LMNB1: variants seen among roughly 807,000 people sequenced by gnomAD.
LMNB1 encodes the protein lamin B1, also known as lamin-B1.
LMNB1 carries 23 observed loss-of-function variants against 67.1 expected under a neutral mutation model. The ratio of observed to expected loss-of-function variants is 0.34; its 90% CI spans 0.25 to 0.49. LMNB1 has a LOEUF of 0.49. Among genes scored for constraint, LMNB1 ranks in the 20% least tolerant of loss-of-function variants. The probability of loss-of-function intolerance (pLI) is 0.99; values close to 1 mark genes in which losing one functional copy is unlikely to be tolerated. For missense variants in LMNB1, 634 were observed against 746.5 expected, an observed-to-expected ratio of 0.85 and a Z score of 1.76; for synonymous variants, 281 against 282.9, an observed-to-expected ratio of 0.99 and a Z score of 0.07.
At chr5:126,831,735 G>T (rs1248112174) in intron 9 of LMNB1, among the ~76,000 whole-genome samples, 1 of 152,134 alleles carries the variant, frequency 6.6e-6, no homozygotes, top group Non-Finnish European at 1.5e-5. Flanking sequence ...TCTTTAAGCT[G>T]AATTCATGTT....
chr5:126,823,821 C>T (rs943454614), intron 8 of LMNB1, among the ~76,000 whole-genome samples: 5 of 152,154 alleles, frequency 3.3e-5, no homozygotes, highest in African/African-American at 4.8e-5. Flanking sequence ...ACTATCCTAA[C>T]TACAATATCC....
chr5:126,796,767 T>C (rs1172461671), intron 1 of LMNB1, among the ~76,000 whole-genome samples: 2 of 148,354 alleles, frequency 1.3e-5, no homozygotes, highest in East Asian at 2.0e-4. Flanking sequence ...AATTTTCTTT[T>C]TCTTTTTCTT....
Position 126,821,414 on chromosome 5 carries a change from G to A in LMNB1, c.1386+279G>A, listed in dbSNP as rs545726827. Among the ~76,000 whole-genome samples the A allele has an allele frequency of 1.6e-4, 25 of 152,276 alleles. No individual in the cohort carries two copies. The South Asian group carries it at 4.4e-3, about 27-fold the overall frequency. On this transcript the variant is annotated intron_variant, in intron 7 of 10. Transcript: ENST00000261366. ...GTTCCTTTTATCACAGTGGTTCTGA[G>A]GATGAGTTATTATTATTCTCTGCCC...
At position 126,836,207 on chromosome 5, in the gene LMNB1, C is replaced by G. The variant is rs749660199; in HGVS notation, c.1720-16C>G. ...ATTTCTTTAGTATTAATTTTTCCTT[C>G]TGTTTTCCTCATCAGGGAACCCCAA... On this transcript the variant is annotated splice_polypyrimidine_tract_variant and intron_variant, in intron 10 of 10. Coordinates refer to ENST00000261366, the MANE Select transcript of LMNB1 (RefSeq NM_005573.4). The G allele has an allele frequency of 6.3e-7, 1 of 1,598,210 alleles. No individual in the cohort carries two copies.
chr5:126,795,093 G>A (rs1311282221), intron 1 of LMNB1, among the ~76,000 whole-genome samples: 1 of 145,100 alleles, frequency 6.9e-6, no homozygotes, highest in Non-Finnish European at 1.5e-5. Context: ...ATTTTTTCAA[G>A]TGTTTATGGT....
At chr5:126,800,982 A>ATATATATATATATATTTTTTTTTTTT in intron 1 of LMNB1, among the ~76,000 whole-genome samples, 1 of 18,632 alleles carries the variant, frequency 5.4e-5, no homozygotes, top group African/African-American at 1.7e-4. Context: ...TATATATATA[A>ATATATATATATATATTTTTTTTTTTT]TTTTTTTTTT....
intron 1 of LMNB1, among the ~76,000 whole-genome samples, chr5:126,799,693 A>T (rs1002201690): frequency 1.3e-5 from 2 of 152,182 alleles, no homozygotes; most frequent in African/African-American, 4.8e-5. Flanking sequence ...GATACTCAGT[A>T]ATGTCTGCTG....
chr5:126,815,907 A>T (rs535566447), intron 5 of LMNB1, among the ~76,000 whole-genome samples: 1 of 152,310 alleles, frequency 6.6e-6, no homozygotes, highest in East Asian at 1.9e-4. Flanking sequence ...CCTCTTAAAG[A>T]GCTCTACAAC....
chr5:126,835,979 G>C (rs1228889356), intron 10 of LMNB1, among the ~76,000 whole-genome samples: 1 of 152,180 alleles, frequency 6.6e-6, no homozygotes, highest in Non-Finnish European at 1.5e-5. Context: ...CCAGGAGGTA[G>C]AGGTTGCAGT....
intron 3 of LMNB1, among the ~76,000 whole-genome samples, chr5:126,806,175 G>A (rs749697484): frequency 1.3e-5 from 2 of 152,024 alleles, no homozygotes; most frequent in Non-Finnish European, 2.9e-5. Context: ...GGGTGGTCTC[G>A]ATCTCCTGAC....
intron 1 of LMNB1, among the ~76,000 whole-genome samples, chr5:126,799,587 A>G (rs1044027396): frequency 6.6e-6 from 1 of 152,210 alleles, no homozygotes; most frequent in African/African-American, 2.4e-5. Context: ...CAGTAAAGGT[A>G]CTGAGGGTCC....
intron 1 of LMNB1, among the ~76,000 whole-genome samples, chr5:126,795,302 T>G (rs1322375140): frequency 6.6e-6 from 1 of 152,092 alleles, no homozygotes; most frequent in African/African-American, 2.4e-5. Flanking sequence ...TACTCCCAGC[T>G]AATTTTTGTA....
At chr5:126,804,736 A>C (rs750413913) in intron 1 of LMNB1, 40 bp from the exon 2 acceptor site, 2 of 1,576,834 alleles carry the variant, frequency 1.3e-6, no homozygotes, top group Non-Finnish European at 1.7e-6. Context: ...TCAAGTCATC[A>C]GTATGGTTTG....
At chr5:126,796,695 A>G (rs1482848474) in intron 1 of LMNB1, among the ~76,000 whole-genome samples, 2 of 151,978 alleles carry the variant, frequency 1.3e-5, no homozygotes, top group Non-Finnish European at 1.5e-5. Context: ...AAAGCTGTGT[A>G]TGTTAGTCTT....
chr5:126,790,670 A>G (rs903772922), intron 1 of LMNB1, among the ~76,000 whole-genome samples: 1 of 152,094 alleles, frequency 6.6e-6, no homozygotes, highest in Non-Finnish European at 1.5e-5. Flanking sequence ...TTAAATAAAG[A>G]ATTACCTTTG....
intron 10 of LMNB1, among the ~76,000 whole-genome samples, chr5:126,835,866 TCA>T (rs1488000187): frequency 6.6e-6 from 1 of 152,124 alleles, no homozygotes; most frequent in Non-Finnish European, 1.5e-5. Flanking sequence ...GGCAGGTGGA[TCA>T]CTTGAGGCCA....
chr5:126,790,562 C>T (rs1750927731), intron 1 of LMNB1, among the ~76,000 whole-genome samples: 1 of 152,000 alleles, frequency 6.6e-6, no homozygotes, highest in African/African-American at 2.4e-5. Flanking sequence ...AAAAATAGTA[C>T]TTTTTCCCAC....
At chr5:126,787,906 A>G (rs528735899) in intron 1 of LMNB1, among the ~76,000 whole-genome samples, 1 of 151,952 alleles carries the variant, frequency 6.6e-6, no homozygotes, top group South Asian at 2.1e-4. Context: ...TTGTATTTTT[A>G]GTAATGAGTG....
At chr5:126,800,644 C>CTTT (rs35363581) in intron 1 of LMNB1, among the ~76,000 whole-genome samples, 295 of 53,914 alleles carry the variant, frequency 5.5e-3, no homozygotes, top group African/African-American at 7.4e-3. Flanking sequence ...ACTGTATCTT[C>CTTT]TTTTTTTTTT....
Sources: gnomAD v4.1 joint callset for allele counts (sites outside exome capture counted in the v4.1 genomes callset) on GRCh38, gnomAD v4.1.1 for gene constraint, MANE v1.5 for transcripts, NCBI Gene and HGNC (gene_info 2026-07-23, HGNC 2026-07-21) for gene names.